LECT2: variants seen among roughly 807,000 people sequenced by gnomAD.
LECT2 encodes leukocyte cell derived chemotaxin 2.
LECT2 carries 11 observed loss-of-function variants against 16.6 expected under a neutral mutation model. The ratio of observed to expected loss-of-function variants is 0.66; its 90% CI spans 0.42 to 1.09. The LOEUF is 1.09. Ranked by LOEUF, LECT2 falls within the 50% of genes least tolerant of loss-of-function variation. The pLI is 0.00. For synonymous variants in LECT2, 54 were observed against 64.8 expected (o/e 0.83, Z 0.80); for missense variants, 173 against 184.2 (o/e 0.94, Z 0.35).
chr5:135,947,595 TTGAA>T (rs1191733145), intron 3 of LECT2, 98 bp from the exon 4 acceptor site: 6 of 1,278,384 alleles, frequency 4.7e-6, no homozygotes, highest in East Asian at 5.1e-5. Context: ...AAAAAGAATG[TTGAA>T]TGAACTCAGG....
At chr5:135,953,368 AT>A (rs527369752) in intron 1 of LECT2, among the ~76,000 whole-genome samples, 132 of 152,044 alleles carry the variant, frequency 8.7e-4, no homozygotes, top group African/African-American at 3.1e-3. Flanking sequence ...CACCCAGCTA[AT>A]TTTTGTATTT....
intron 2 of LECT2, among the ~76,000 whole-genome samples, chr5:135,952,070 A>G (rs549079575): frequency 8.6e-4 from 131 of 152,348 alleles, no homozygotes; most frequent in African/African-American, 3.0e-3. Context: ...ACACTGAGCA[A>G]GCTCAAGAGC....
chr5:135,953,288 A>C, intron 1 of LECT2: 1 of 253,552 alleles, frequency 3.9e-6, no homozygotes, highest in Non-Finnish European at 7.6e-6. Flanking sequence ...TTCAACCTCC[A>C]TCTCCTGGGT....
At chr5:135,947,613 G>A in intron 3 of LECT2, 116 bp from the exon 4 acceptor site, 6 of 1,135,118 alleles carry the variant, frequency 5.3e-6, no homozygotes, top group South Asian at 2.4e-5. Context: ...ACTCAGGAGA[G>A]GAATAGATGA....
chr5:135,948,998 A>C (rs997149479), intron 3 of LECT2, among the ~76,000 whole-genome samples: 19 of 152,260 alleles, frequency 1.2e-4, no homozygotes, highest in Admixed American at 9.8e-4. Flanking sequence ...TATATATATG[A>C]CTTCTGTTAT....
intron 2 of LECT2, among the ~76,000 whole-genome samples, chr5:135,952,055 A>G (rs2126876818): frequency 6.6e-6 from 1 of 152,310 alleles, no homozygotes; most frequent in East Asian, 1.9e-4. Context: ...ATTATGTACA[A>G]AGCAACACTG....
In LECT2 at chr5:135,947,052, A is replaced by C. The variant is rs749318795; in HGVS notation, c.*279T>G. The stretch of plus-strand genomic sequence containing the variant: ...TCAGAGTGACAATGAGTTAAAATCA[A>C]AATGTTTTCTTTCTTGCATTTATCA... On this transcript the variant is annotated 3_prime_UTR_variant, in exon 4 of 4. Transcript: ENST00000274507. 56 of 234,770 alleles carry C rather than the reference A, an allele frequency of 2.4e-4. No individual in the cohort carries two copies. Among genetic ancestry groups the C allele is most frequent in the Non-Finnish European group, 3.9e-4 (47 of 121,874 alleles). 14.5% of individuals were successfully genotyped at this position (234,770 alleles called of 1,614,324 possible).
At position 135,952,157 on chromosome 5, in the gene LECT2, G is replaced by C. The variant is rs372685662; in HGVS notation, c.143+714C>G. 4.6e-5 allele frequency among the ~76,000 whole-genome samples: 7 copies of C among 152,348 alleles called. No homozygotes were observed. In the South Asian group the frequency reaches 1.0e-3, roughly 23 times the overall value. On this transcript the variant is annotated intron_variant, in intron 2 of 3. Transcript: ENST00000274507. ...TCTGAATTTTGGCAATTCAAGGGAC[G>C]TTTCCCATATTTCCCTTCTCTTAGT...
rs147620088 is a variant in LECT2, at chr5:135,947,382, C to T, written c.405G>A (p.Ser135=). ...PLQKVYPGIQ[S]HVHIENCDSS... Reference sequence around the variant, plus strand: ...AGTCACAGTTTTCAATGTGCACATGCGATTGTATGCCAGGATAAACTTTCT... The same window carrying T: ...AGTCACAGTTTTCAATGTGCACATGTGATTGTATGCCAGGATAAACTTTCT... The change falls in exon 4 of 4, where the codon TCG becomes TCA. Residue 135 remains serine (S), a synonymous_variant. Coordinates refer to ENST00000274507, the MANE Select transcript of LECT2 (RefSeq NM_002302.3). 2.0e-5 allele frequency: 33 copies of T among 1,613,818 alleles called. No homozygotes were observed. Among genetic ancestry groups the T allele is most frequent in the African/African-American group, 1.1e-4 (8 of 74,888 alleles).
In LECT2 at chr5:135,951,369, C is replaced by G. The variant is rs751325975; in HGVS notation, c.144-1G>C. ...CACACCCTGGTGAGGCCTCTGACTT[C>G]TAGGATGTAAATAAGAACGAACAGA... On this transcript the variant is annotated splice_acceptor_variant, in intron 2 of 3. Coordinates refer to ENST00000274507, the MANE Select transcript of LECT2 (RefSeq NM_002302.3). LOFTEE classifies it high-confidence loss of function. The G allele has an allele frequency of 1.2e-6, 2 of 1,612,648 alleles. No individual in the cohort carries two copies. Among genetic ancestry groups the G allele is most frequent in the South Asian group, 1.1e-5 (1 of 90,730 alleles).
At position 135,951,440 on chromosome 5, in the gene LECT2, T is replaced by C. The variant is rs566919582; in HGVS notation, c.144-72A>G. ...AGCTTTACTGCCTGGGAACATGGTGTTAGCCCACTGTTTGCAGACGAGGTA... is the reference window on the plus strand; with the variant it reads ...AGCTTTACTGCCTGGGAACATGGTGCTAGCCCACTGTTTGCAGACGAGGTA... On this transcript the variant is annotated intron_variant, in intron 2 of 3. Coordinates refer to ENST00000274507, the MANE Select transcript of LECT2 (RefSeq NM_002302.3). The C allele has an allele frequency of 2.1e-6, 3 of 1,400,528 alleles. No individual in the cohort carries two copies. In the East Asian group the frequency reaches 6.9e-5, roughly 32 times the overall value. 86.8% of individuals were successfully genotyped at this position (1,400,528 alleles called of 1,614,324 possible).
chr5:135,951,370 T>C lies in LECT2; in HGVS notation c.144-2A>G, dbSNP rs756980343. ...ACACCCTGGTGAGGCCTCTGACTTCTAGGATGTAAATAAGAACGAACAGAC... is the reference window on the plus strand; with the variant it reads ...ACACCCTGGTGAGGCCTCTGACTTCCAGGATGTAAATAAGAACGAACAGAC... On this transcript the variant is annotated splice_acceptor_variant, in intron 2 of 3. Transcript: ENST00000274507. LOFTEE classifies it high-confidence loss of function. 2 of 1,612,772 alleles carry C rather than the reference T, an allele frequency of 1.2e-6. No homozygotes were observed. The highest frequency in any genetic ancestry group is 1.7e-6 in the Non-Finnish European group (2 of 1,179,256).
rs1479919853 is a variant in LECT2, at chr5:135,947,424, T to A, written c.363A>T (p.Gly121=). 2 of 1,613,982 alleles carry A rather than the reference T, an allele frequency of 1.2e-6. No homozygotes were observed. The highest frequency in any genetic ancestry group is 1.7e-6 in the Non-Finnish European group (2 of 1,179,972). ...AAACTTTCTGCAAGGGCAATAGAGTTCCAAGTTTTTCTCCCTTCTTAATAG... is the reference window on the plus strand; with the variant it reads ...AAACTTTCTGCAAGGGCAATAGAGTACCAAGTTTTTCTCCCTTCTTAATAG... The part of the protein sequence containing the change: ...KGPIKKGEKL[G]TLLPLQKVYP... The change falls in exon 4 of 4, where the codon GGA becomes GGT. Residue 121 remains glycine (G), a synonymous_variant. Coordinates refer to ENST00000274507, the MANE Select transcript of LECT2 (RefSeq NM_002302.3).
chr5:135,947,661 C>G (rs979781890), intron 3 of LECT2, among the ~76,000 whole-genome samples, 164 bp from the exon 4 acceptor site: 2 of 152,002 alleles, frequency 1.3e-5, no homozygotes, highest in Non-Finnish European at 2.9e-5. Context: ...GACTAAATTA[C>G]AAGATGCCAA....
chr5:135,951,517 C>G (rs761908423), intron 2 of LECT2, 149 bp from the exon 3 acceptor site: 2 of 629,412 alleles, frequency 3.2e-6, no homozygotes, highest in Non-Finnish European at 2.6e-6. Context: ...ATGCCTCACT[C>G]TGTTTAGCCC....
At chr5:135,950,010 T>G (rs551948934) in intron 3 of LECT2, among the ~76,000 whole-genome samples, 2 of 152,168 alleles carry the variant, frequency 1.3e-5, no homozygotes, top group African/African-American at 2.4e-5. Flanking sequence ...AAGTTTCCCT[T>G]GTGACATTGG....
chr5:135,951,627 G>A (rs1763798416), intron 2 of LECT2: 2 of 370,314 alleles, frequency 5.4e-6, no homozygotes, highest in Admixed American at 4.3e-5. Flanking sequence ...GCAAATATTA[G>A]CTACTATTAT....
At chr5:135,951,180 C>G in intron 3 of LECT2, 43 bp downstream of exon 3, 1 of 1,589,848 alleles carries the variant, frequency 6.3e-7, no homozygotes, top group Non-Finnish European at 8.6e-7. Flanking sequence ...TGAGCATCAA[C>G]ATCTCCAGGA....
At chr5:135,948,240 A>G (rs1363823649) in intron 3 of LECT2, among the ~76,000 whole-genome samples, 1 of 152,204 alleles carries the variant, frequency 6.6e-6, no homozygotes, top group Admixed American at 6.5e-5. Context: ...CAATGAAGAT[A>G]TAACAGTTAC....
Sources: gnomAD v4.1 joint callset for allele counts (sites outside exome capture counted in the v4.1 genomes callset) on GRCh38, gnomAD v4.1.1 for gene constraint, MANE v1.5 for transcripts, NCBI Gene and HGNC (gene_info 2026-07-23, HGNC 2026-07-21) for gene names.